PTPRS: variants seen among roughly 807,000 people sequenced by gnomAD.
The protein encoded by PTPRS is protein tyrosine phosphatase receptor type S, also known as receptor-type tyrosine-protein phosphatase S.
In PTPRS, 63 loss-of-function variants were observed where a neutral mutation model predicts 215.3. The observed-to-expected ratio is 0.29, with a 90% CI of 0.24 to 0.36. PTPRS has a LOEUF of 0.36. Ranked by LOEUF, PTPRS falls within the 10% of genes least tolerant of loss-of-function variation. The pLI is 1.00. For synonymous variants in PTPRS, 1,404 were observed against 1,191.4 expected, an observed-to-expected ratio of 1.18 and a Z score of -3.68; for missense variants, 2,258 against 2,825.8, an observed-to-expected ratio of 0.80 and a Z score of 4.56.
chr19:5,308,078 A>G (rs1338100590), intron 1 of PTPRS, among the ~76,000 whole-genome samples: 6 of 152,212 alleles, frequency 3.9e-5, no homozygotes, highest in Non-Finnish European at 1.5e-5. Flanking sequence ...GAGATTCTCC[A>G]CCATGCATTT....
chr19:5,237,741 G>C lies in PTPRS; in HGVS notation c.1849+1178C>G, dbSNP rs2043596013. Among the ~76,000 whole-genome samples the C allele has an allele frequency of 1.3e-5, 2 of 152,288 alleles. No homozygotes were observed. The highest frequency in any genetic ancestry group is 1.9e-4 in the East Asian group (1 of 5,158). Reference sequence around the variant, plus strand: ...CTCTCAGGTGGCTGCCCAAGCCACAGGCCACCCTCACTGACTCCACCTCAC... The same window carrying C: ...CTCTCAGGTGGCTGCCCAAGCCACACGCCACCCTCACTGACTCCACCTCAC... On this transcript the variant is annotated intron_variant, in intron 13 of 37. Coordinates refer to ENST00000262963, the MANE Select transcript of PTPRS (RefSeq NM_002850.4). This position sits in a 1 kb window ranked among gnomAD's most constrained non-coding sequence, Gnocchi z 4.2.
rs759472181 is a variant in PTPRS, at chr19:5,220,000, C to A, written c.3704G>T (p.Gly1235Val). 6.2e-7 allele frequency: 1 copy of A among 1,613,746 alleles called. No homozygotes were observed. Among genetic ancestry groups the A allele is most frequent in the Admixed American group, 1.7e-5 (1 of 60,028 alleles). The change falls in exon 22 of 38, where the codon GGC becomes GTC. Residue 1235 changes from glycine (G) to valine (V), a missense_variant. Physicochemically the swap from Gly to Val is moderately radical, Grantham distance 109. Around this residue, in one of 6 missense-constraint regions of PTPRS, gnomAD observed 927 missense variants for 1,125.9 expected, o/e 0.82. Coordinates refer to ENST00000262963, the MANE Select transcript of PTPRS (RefSeq NM_002850.4). ...QKQYGGFDNR[G>V]LEPGHRYVLF... ...GACATAGCGGTGGCCGGGCTCCAGGCCCCGGTTATCGAAGCCGCCATACTG... is the reference window on the plus strand; with the variant it reads ...GACATAGCGGTGGCCGGGCTCCAGGACCCGGTTATCGAAGCCGCCATACTG...
In PTPRS at chr19:5,244,857, G is replaced by A. The variant is rs1236208874; in HGVS notation, c.989-375C>T. 7.0e-6 allele frequency among the ~76,000 whole-genome samples: 1 copy of A among 142,910 alleles called. No individual in the cohort carries two copies. The highest frequency in any genetic ancestry group is 1.5e-5 in the Non-Finnish European group (1 of 67,220). The allele number at this position is 142,910 out of a possible 152,430, so 93.8% of individuals were successfully genotyped here. A position where few individuals can be genotyped will look rare whatever the true frequency, so the allele number is the denominator to read the frequency against. On this transcript the variant is annotated intron_variant, in intron 10 of 37. Coordinates refer to ENST00000262963, the MANE Select transcript of PTPRS (RefSeq NM_002850.4). The surrounding 1 kb of genome is among the most constrained non-coding windows in gnomAD (Gnocchi z 7.2). ...GCTAATTTTTTGTATTTTCAGTTGA[G>A]ACGGGTTTCACTGTGTTAGCCAGGA...
intron 11 of PTPRS, among the ~76,000 whole-genome samples, chr19:5,241,128 A>T (rs2044007266): frequency 6.6e-6 from 1 of 151,672 alleles, no homozygotes; most frequent in Non-Finnish European, 1.5e-5. Context: ...ACCTCAACTG[A>T]TCCTCCTGCC....
At chr19:5,270,204 C>T (rs1174565131) in intron 4 of PTPRS, among the ~76,000 whole-genome samples, 1 of 152,166 alleles carries the variant, frequency 6.6e-6, no homozygotes, top group African/African-American at 2.4e-5. Flanking sequence ...CCAGGACCCA[C>T]GCAAATGAAA....
chr19:5,212,947 C>T (rs73919777), intron 30 of PTPRS, among the ~76,000 whole-genome samples: 2 of 151,982 alleles, frequency 1.3e-5, no homozygotes, highest in Non-Finnish European at 2.9e-5. Context: ...GTCTTGCGGA[C>T]GCCTCACACA....
At chr19:5,307,011 A>G (rs2049518979) in intron 1 of PTPRS, among the ~76,000 whole-genome samples, 1 of 152,214 alleles carries the variant, frequency 6.6e-6, no homozygotes, top group African/African-American at 2.4e-5. Flanking sequence ...TAAGTAAAGA[A>G]CAGTACAAGG....
intron 37 of PTPRS, among the ~76,000 whole-genome samples, 155 bp from the exon 38 acceptor site, chr19:5,206,997 G>C (rs1250469048): frequency 6.6e-6 from 1 of 152,218 alleles, no homozygotes; most frequent in Non-Finnish European, 1.5e-5. Context: ...AATGAAGTGA[G>C]CTATGCCACA....
chr19:5,209,571 T>C (rs887057191), intron 35 of PTPRS, among the ~76,000 whole-genome samples: 10 of 152,220 alleles, frequency 6.6e-5, no homozygotes, highest in African/African-American at 2.4e-4. Context: ...GTTTATACCA[T>C]TGACTATTGT....
chr19:5,321,845 C>T (rs900863779), intron 1 of PTPRS, among the ~76,000 whole-genome samples: 3 of 151,826 alleles, frequency 2.0e-5, no homozygotes, highest in African/African-American at 4.8e-5. Context: ...ACAGGTAAAC[C>T]GAGGCTTGGA....
intron 1 of PTPRS, among the ~76,000 whole-genome samples, chr19:5,321,987 T>C (rs558819849): frequency 1.3e-5 from 2 of 152,276 alleles, no homozygotes; most frequent in South Asian, 4.1e-4. Context: ...CAGAGAAATT[T>C]AACCATTTAT....
At chr19:5,314,669 G>A (rs747786031) in intron 1 of PTPRS, among the ~76,000 whole-genome samples, 1 of 152,030 alleles carries the variant, frequency 6.6e-6, no homozygotes, top group Non-Finnish European at 1.5e-5. Context: ...GGGATTACAG[G>A]CATGAATCAC....
At chr19:5,307,927 T>A (rs2049553225) in intron 1 of PTPRS, among the ~76,000 whole-genome samples, 1 of 152,184 alleles carries the variant, frequency 6.6e-6, no homozygotes, top group Non-Finnish European at 1.5e-5. Context: ...CACGCTCCAA[T>A]GGCGGGGTTG....
At position 5,222,774 on chromosome 19, in the gene PTPRS, A is replaced by C; in HGVS notation, c.3018T>G (p.Tyr1006Ter). The change falls in exon 18 of 38, where the codon TAT becomes TAG. Residue 1006 changes from tyrosine (Y) to a stop codon, truncating the protein, a stop_gained. Coordinates refer to ENST00000262963, the MANE Select transcript of PTPRS (RefSeq NM_002850.4). LOFTEE classifies it high-confidence loss of function. ...TLQGLKPDTA[Y>*]DLQVRAHTRR... is the part of the protein sequence containing the mutation. ...GCGTGTGGGCTCGCACTTGGAGGTC[A>C]TAGGCCGTGTCGGGCTTCAGGCCCT... is the stretch of plus-strand genomic sequence containing the variant. 1 of 1,599,018 alleles carries C rather than the reference A, an allele frequency of 6.3e-7. No homozygotes were observed. The highest frequency in any genetic ancestry group is 8.5e-7 in the Non-Finnish European group (1 of 1,178,662).
Position 5,214,643 on chromosome 19 carries a change from G to A in PTPRS, c.4412C>T (p.Thr1471Ile), listed in dbSNP as rs2145138528. 1 of 1,613,298 alleles carries A rather than the reference G, an allele frequency of 6.2e-7. No homozygotes were observed. Among genetic ancestry groups the A allele is most frequent in the Middle Eastern group, 1.7e-4 (1 of 6,060 alleles). ...YIATQGPLPE[T>I]FGDFWRMVWE... is the part of the protein sequence containing the mutation. ...CACCATACGCCAGAAGTCCCCAAAGGTCTCAGGCAGCGGCCCCTGCGTGGC... is the reference window on the plus strand; with the variant it reads ...CACCATACGCCAGAAGTCCCCAAAGATCTCAGGCAGCGGCCCCTGCGTGGC... The change falls in exon 29 of 38, where the codon ACC becomes ATC. Residue 1471 changes from threonine to isoleucine, a missense_variant. Physicochemically the swap from Thr to Ile is moderately conservative, Grantham distance 89. This residue lies in a region of PTPRS where 927 missense variants were observed against 1,125.9 expected (regional missense o/e 0.82). Transcript: ENST00000262963.
intron 26 of PTPRS, 44 bp downstream of exon 26, chr19:5,216,676 G>C (rs2041491494): frequency 6.9e-7 from 1 of 1,448,972 alleles, no homozygotes; most frequent in African/African-American, 1.4e-5. Flanking sequence ...GAAATGAACG[G>C]GGGCGGGGGC....
Position 5,223,002 on chromosome 19 carries a change from G to A in PTPRS, c.2790C>T (p.Gly930=), listed in dbSNP as rs765876487. 18 of 1,541,220 alleles carry A rather than the reference G, an allele frequency of 1.2e-5. No homozygotes were observed. The highest frequency in any genetic ancestry group is 2.4e-5 in the East Asian group (1 of 40,848). The change falls in exon 18 of 38, where the codon GGC becomes GGT. Residue 930 remains glycine, a synonymous_variant. Coordinates refer to ENST00000262963, the MANE Select transcript of PTPRS (RefSeq NM_002850.4). ...VLSIPEDTPR[G]HPQILEAAGN... ...CGGCCGCCTCCAGAATCTGCGGGTG[G>A]CCACGGGGCGTGTCCTCCGGGATGC...
intron 23 of PTPRS, 132 bp from the exon 24 acceptor site, chr19:5,218,930 A>C: frequency 1.0e-6 from 1 of 959,162 alleles, no homozygotes; most frequent in Admixed American, 2.7e-5. Context: ...TCTCCTCTGG[A>C]AAATGGTGCT....
At chr19:5,281,011 C>A (rs938171790) in intron 2 of PTPRS, among the ~76,000 whole-genome samples, 1 of 151,672 alleles carries the variant, frequency 6.6e-6, no homozygotes. Context: ...AGGCTGGTCG[C>A]GAACTCCTGA....
Sources: gnomAD v4.1 joint callset for allele counts (sites outside exome capture counted in the v4.1 genomes callset) on GRCh38, gnomAD v4.1.1 for gene constraint, gnomAD v4.1.1 regional missense constraint, Gnocchi (gnomAD v3.1) non-coding constraint, MANE v1.5 for transcripts, NCBI Gene and HGNC (gene_info 2026-07-23, HGNC 2026-07-21) for gene names.